The following ADGRA3 variants were observed in gnomAD, a reference collection of about 807,000 sequenced individuals.
ADGRA3 encodes G-protein coupled receptor 125.
In ADGRA3, 56 loss-of-function variants were observed where a neutral mutation model predicts 119.8. That is an observed-to-expected ratio of 0.47 (90% confidence interval 0.38 to 0.58). ADGRA3 has a LOEUF of 0.58. ADGRA3 is among the 20% of genes least tolerant of loss of function. ADGRA3 has a pLI of 0.00. For synonymous variants in ADGRA3, 607 were observed against 623.8 expected (o/e 0.97, Z 0.40); for missense variants, 1,516 against 1,649.0 (o/e 0.92, Z 1.40).
Position 22,392,670 on chromosome 4 carries a change from A to G in ADGRA3, c.2502T>C (p.Tyr834=). 6.2e-7 allele frequency: 1 copy of G among 1,613,356 alleles called. No individual in the cohort carries two copies. Among genetic ancestry groups the G allele is most frequent in the South Asian group, 1.1e-5 (1 of 90,880 alleles). The change falls in exon 17 of 19, where the codon TAT becomes TAC. Residue 834 remains tyrosine (Y), a synonymous_variant. Coordinates refer to ENST00000334304, the MANE Select transcript of ADGRA3 (RefSeq NM_145290.4). ...CCCATAGTACTGTGGCAAGGGTGGA[A>G]TAGTGAAGAATTATCCCAACCTACA... is the stretch of plus-strand genomic sequence containing the variant. ...ICQAVGIILH[Y]STLATVLWVG...
chr4:22,397,150 C>T (rs923192046), intron 16 of ADGRA3, among the ~76,000 whole-genome samples: 4 of 150,068 alleles, frequency 2.7e-5, no homozygotes, highest in Non-Finnish European at 5.9e-5. Flanking sequence ...CCTGGATAAG[C>T]ACCAGTGAAT....
chr4:22,467,788 C>T (rs571783110), intron 2 of ADGRA3, among the ~76,000 whole-genome samples: 22 of 152,170 alleles, frequency 1.4e-4, no homozygotes, highest in Non-Finnish European at 2.8e-4. Context: ...CACAGCTTCC[C>T]TAGTAAACAG....
At chr4:22,473,566 G>A (rs73802820) in intron 2 of ADGRA3, among the ~76,000 whole-genome samples, 4,875 of 152,156 alleles carry the variant, frequency 0.032, 261 homozygotes, top group African/African-American at 0.11. Context: ...CTGTGAAAAC[G>A]CAATTTACTT....
chr4:22,460,422 AG>A (rs1577361936), intron 3 of ADGRA3, among the ~76,000 whole-genome samples: 1 of 152,218 alleles, frequency 6.6e-6, no homozygotes, highest in Non-Finnish European at 1.5e-5. Flanking sequence ...CCTCTCCACC[AG>A]AAAGGACAAA....
intron 1 of ADGRA3, among the ~76,000 whole-genome samples, chr4:22,492,901 T>C (rs114388449): frequency 2.6e-5 from 4 of 152,196 alleles, no homozygotes; most frequent in Non-Finnish European, 4.4e-5. Context: ...AGTGTGCATT[T>C]TGCACACACA....
intron 12 of ADGRA3, chr4:22,419,946 AGATTTTCTTGGGCAGTTGG>A (rs1715584384): frequency 6.6e-6 from 1 of 152,590 alleles, no homozygotes; most frequent in Non-Finnish European, 1.5e-5. Flanking sequence ...GACCTAGTTG[AGATTTTCTTGGGCAGTTGG>A]GATTTTCTAA....
intron 3 of ADGRA3, among the ~76,000 whole-genome samples, chr4:22,457,554 G>C (rs1220830532): frequency 6.6e-6 from 1 of 152,108 alleles, no homozygotes; most frequent in Non-Finnish European, 1.5e-5. Context: ...ATTATAAATG[G>C]CAATTACCTT....
At chr4:22,494,048 C>T (rs1399532391) in intron 1 of ADGRA3, among the ~76,000 whole-genome samples, 1 of 151,620 alleles carries the variant, frequency 6.6e-6, no homozygotes, top group Non-Finnish European at 1.5e-5. Flanking sequence ...ACTAAAAATA[C>T]AAAAAAATTA....
At position 22,447,484 on chromosome 4, in the gene ADGRA3, T is replaced by G; in HGVS notation, c.501A>C (p.Ser167=). The change falls in exon 5 of 19, where the codon TCA becomes TCC. Residue 167 remains serine, a synonymous_variant. Coordinates refer to ENST00000334304, the MANE Select transcript of ADGRA3 (RefSeq NM_145290.4). ...GATAATCAAAAGTTCCTTGAGATAATGAAGAAAACAAATTCCCCGAAAGGT... is the reference window on the plus strand; with the variant it reads ...GATAATCAAAAGTTCCTTGAGATAAGGAAGAAAACAAATTCCCCGAAAGGT... ...RLNLSGNLFS[S]LSQGTFDYLA... 2.5e-6 allele frequency: 4 copies of G among 1,579,582 alleles called. No homozygotes were observed. The highest frequency in any genetic ancestry group is 3.4e-6 in the Non-Finnish European group (4 of 1,165,490).
At chr4:22,450,184 C>T (rs906084257) in intron 4 of ADGRA3, among the ~76,000 whole-genome samples, 6 of 151,658 alleles carry the variant, frequency 4.0e-5, no homozygotes, top group Middle Eastern at 3.4e-3. Context: ...ATGACCAGAA[C>T]AAAGTCACTG....
chr4:22,443,751 A>T (rs1242061480), intron 6 of ADGRA3, among the ~76,000 whole-genome samples: 1 of 152,148 alleles, frequency 6.6e-6, no homozygotes, highest in East Asian at 1.9e-4. Context: ...AAAATAGAAA[A>T]AAGTCGTAGA....
intron 16 of ADGRA3, among the ~76,000 whole-genome samples, chr4:22,399,457 G>C (rs1336026961): frequency 6.7e-6 from 1 of 150,270 alleles, no homozygotes; most frequent in Non-Finnish European, 1.5e-5. Context: ...TTAAGATTTT[G>C]GTTTGGATAT....
At chr4:22,480,303 C>G (rs1052484899) in intron 1 of ADGRA3, among the ~76,000 whole-genome samples, 4 of 152,074 alleles carry the variant, frequency 2.6e-5, no homozygotes, top group Admixed American at 6.6e-5. Flanking sequence ...TCACAAATAA[C>G]TTTTCACAGT....
chr4:22,446,917 TCAAC>T (rs900546914), intron 5 of ADGRA3, among the ~76,000 whole-genome samples: 1 of 151,898 alleles, frequency 6.6e-6, no homozygotes, highest in Non-Finnish European at 1.5e-5. Flanking sequence ...GGAAAAAAAA[TCAAC>T]CAATTCTAAA....
At chr4:22,484,234 T>C (rs998373084) in intron 1 of ADGRA3, among the ~76,000 whole-genome samples, 3 of 152,034 alleles carry the variant, frequency 2.0e-5, no homozygotes, top group African/African-American at 7.2e-5. Flanking sequence ...TAAATCTGGG[T>C]AAAAAATATA....
chr4:22,432,000 G>C (rs1053503985), intron 10 of ADGRA3, among the ~76,000 whole-genome samples: 1 of 152,066 alleles, frequency 6.6e-6, no homozygotes, highest in African/African-American at 2.4e-5. Flanking sequence ...AGAACCTATA[G>C]ATGACCTTAA....
At chr4:22,441,586 T>C (rs1218314091) in intron 7 of ADGRA3, among the ~76,000 whole-genome samples, 1 of 152,194 alleles carries the variant, frequency 6.6e-6, no homozygotes, top group African/African-American at 2.4e-5. Flanking sequence ...TCATAGACTG[T>C]ACCTAGCCAG....
At chr4:22,490,892 C>T (rs180919601) in intron 1 of ADGRA3, among the ~76,000 whole-genome samples, 3 of 152,222 alleles carry the variant, frequency 2.0e-5, no homozygotes, top group East Asian at 1.9e-4. Context: ...CTCTGTAGGT[C>T]GGAAGTCCAG....
intron 1 of ADGRA3, among the ~76,000 whole-genome samples, chr4:22,476,174 C>T (rs1560336486): frequency 6.6e-6 from 1 of 152,030 alleles, no homozygotes; most frequent in Non-Finnish European, 1.5e-5. Context: ...AAGCAGTTAG[C>T]ACAGGCAAAA....
Sources: allele counts gnomAD v4.1 joint callset (sites outside exome capture counted in the v4.1 genomes callset), GRCh38; gene constraint gnomAD v4.1.1; transcripts MANE v1.5; gene names NCBI Gene and HGNC (gene_info 2026-07-23, HGNC 2026-07-21).